Variants in TRPC6 observed in about 807,000 individuals in gnomAD.
TRPC6 encodes the protein short transient receptor potential channel 6.
In TRPC6, 55 loss-of-function variants were observed where a neutral mutation model predicts 90.7. The observed-to-expected ratio is 0.61, with a 90% CI of 0.49 to 0.76. The LOEUF (loss-of-function observed/expected upper bound fraction) is 0.76. Ranked by LOEUF, TRPC6 falls within the 30% of genes least tolerant of loss-of-function variation. The probability of loss-of-function intolerance (pLI) is 0.00; values close to 1 mark genes in which losing one functional copy is unlikely to be tolerated. For missense variants in TRPC6, 989 were observed against 1,122.7 expected (o/e 0.88, Z 1.70); for synonymous variants, 393 against 393.0 (o/e 1.00, Z 0.00).
chr11:101,512,702 C>T (rs561513767), intron 1 of TRPC6, among the ~76,000 whole-genome samples: 4 of 152,086 alleles, frequency 2.6e-5, no homozygotes, highest in East Asian at 1.9e-4. Flanking sequence ...TGGGGAACTT[C>T]GCAAAATATT....
chr11:101,552,176 G>C (rs1306548823), intron 1 of TRPC6, among the ~76,000 whole-genome samples: 2 of 151,994 alleles, frequency 1.3e-5, no homozygotes, highest in African/African-American at 4.8e-5. Context: ...GTTATTTTCA[G>C]AACTTAGAAA....
intron 3 of TRPC6, among the ~76,000 whole-genome samples, chr11:101,489,671 G>A (rs1417202221): frequency 1.3e-5 from 2 of 150,564 alleles, no homozygotes; most frequent in African/African-American, 4.9e-5. Context: ...AAGTTTTCAT[G>A]TATTTATTTT....
chr11:101,491,836 C>CTTTTTTTTTTTTTTTTTTTTTTTTT (rs71056611), intron 2 of TRPC6, 98 bp from the exon 3 acceptor site: 2 of 382,420 alleles, frequency 5.2e-6, no homozygotes, highest in African/African-American at 3.6e-5. Context: ...GAGAAACATT[C>CTTTTTTTTTTTTTTTTTTTTTTTTT]TTTTTTTTTT....
chr11:101,526,789 G>T (rs564837959), intron 1 of TRPC6, among the ~76,000 whole-genome samples: 1 of 147,040 alleles, frequency 6.8e-6, no homozygotes, highest in Non-Finnish European at 1.5e-5. Flanking sequence ...TCGTCAACCC[G>T]GGAGGCGGAG....
Position 101,482,995 on chromosome 11 carries a change from T to A in TRPC6, c.1464A>T (p.Thr488=), listed in dbSNP as rs942110140. The A allele has an allele frequency of 8.1e-6, 13 of 1,613,918 alleles. No individual in the cohort carries two copies. The Admixed American group carries it at 2.0e-4, about 25-fold the overall frequency. ...GCATCTCCATCCATGAGAAGCAGGA[T>A]GTTTTCATCCTGAACAGCTGTTTTG... ...DNAKQLFRMK[T]SCFSWMEMLI... is the part of the protein sequence containing the mutation. The change falls in exon 5 of 13, where the codon ACA becomes ACT. Residue 488 remains threonine (T), a synonymous_variant. Transcript: ENST00000344327.
At chr11:101,468,242 A>G (rs1011914455) in intron 10 of TRPC6, among the ~76,000 whole-genome samples, 28 of 152,196 alleles carry the variant, frequency 1.8e-4, no homozygotes, top group Non-Finnish European at 4.0e-4. Flanking sequence ...CTTCCCAATC[A>G]AAATTCCTAA....
intron 1 of TRPC6, among the ~76,000 whole-genome samples, chr11:101,510,621 A>C (rs1318471152): frequency 6.6e-6 from 1 of 152,160 alleles, no homozygotes; most frequent in African/African-American, 2.4e-5. Flanking sequence ...AGAAAGAGTA[A>C]TTAGCCACCA....
At chr11:101,492,565 A>G (rs1003944227) in intron 2 of TRPC6, among the ~76,000 whole-genome samples, 2 of 143,654 alleles carry the variant, frequency 1.4e-5, no homozygotes, top group Non-Finnish European at 3.0e-5. Flanking sequence ...CCTGGGCAAC[A>G]AAGCGAGACC....
At chr11:101,482,064 T>C (rs1859564362) in intron 5 of TRPC6, among the ~76,000 whole-genome samples, 1 of 152,218 alleles carries the variant, frequency 6.6e-6, no homozygotes, top group Non-Finnish European at 1.5e-5. Context: ...GCCCCTTCCA[T>C]TTCACATCCC....
chr11:101,557,974 T>C (rs1861596348), intron 1 of TRPC6, among the ~76,000 whole-genome samples: 1 of 152,096 alleles, frequency 6.6e-6, no homozygotes, highest in Non-Finnish European at 1.5e-5. Context: ...ATCTACAGAT[T>C]CAATGCAATC....
Position 101,477,954 on chromosome 11 carries a change from C to T in TRPC6, c.1511-1420G>A, listed in dbSNP as rs570568070. ...CTCTACTCTGACATCCTGCCTCCTG[C>T]TGGAGCCATCTGGAGAAATACAACC... On this transcript the variant is annotated intron_variant, in intron 5 of 12. Coordinates refer to ENST00000344327, the MANE Select transcript of TRPC6 (RefSeq NM_004621.6). Among the ~76,000 whole-genome samples, 18 of 152,322 alleles carry T rather than the reference C, an allele frequency of 1.2e-4. No homozygotes were observed. The South Asian group carries it at 3.3e-3, about 28-fold the overall frequency.
chr11:101,452,402 A>C lies in TRPC6; in HGVS notation c.*553T>G, dbSNP rs7931399. On this transcript the variant is annotated 3_prime_UTR_variant, in exon 13 of 13. Transcript: ENST00000344327. ...TCAGAAAATTTTACATAGATGTAAG[A>C]CCATTTTGTATGAACGGTATCAATC... 48,657 of 154,704 alleles carry C rather than the reference A, an allele frequency of 0.31. 10,152 individuals are homozygous for C. The highest frequency in any genetic ancestry group is 0.6 in the African/African-American group (24,896 of 41,450). The allele number at this position is 154,704 out of a possible 1,614,324, so 9.6% of individuals were successfully genotyped here.
chr11:101,497,582 C>T (rs1160153809), intron 2 of TRPC6, among the ~76,000 whole-genome samples: 2 of 152,170 alleles, frequency 1.3e-5, no homozygotes, highest in African/African-American at 2.4e-5. Context: ...TGTGCACATG[C>T]ATGAGCAGAC....
At chr11:101,561,569 T>C (rs1171468880) in intron 1 of TRPC6, among the ~76,000 whole-genome samples, 2 of 152,036 alleles carry the variant, frequency 1.3e-5, no homozygotes, top group Non-Finnish European at 2.9e-5. Context: ...TCCCTTACTA[T>C]ATAGAGGATA....
At chr11:101,539,243 C>G (rs1308852344) in intron 1 of TRPC6, among the ~76,000 whole-genome samples, 11 of 152,174 alleles carry the variant, frequency 7.2e-5, no homozygotes, top group African/African-American at 2.7e-4. Flanking sequence ...TTTCAGATTC[C>G]TTAGAACTAG....
chr11:101,505,308 CT>C (rs1455332414), intron 1 of TRPC6, among the ~76,000 whole-genome samples: 1 of 152,152 alleles, frequency 6.6e-6, no homozygotes, highest in East Asian at 1.9e-4. Context: ...TTTTTCCTGC[CT>C]CTACAAGTCT....
In TRPC6 at chr11:101,583,499, C is replaced by G. The variant is rs886039885; in HGVS notation, c.5G>C (p.Ser2Thr). ...CCGGGGCCCGAACGCCGGGCTCTGGCTCATGGCGGGAACGCCCGACTGGCC... is the reference window on the plus strand; with the variant it reads ...CCGGGGCCCGAACGCCGGGCTCTGGGTCATGGCGGGAACGCCCGACTGGCC... The part of the protein sequence containing the change: M[S>T]QSPAFGPRRG... The change falls in exon 1 of 13, where the codon AGC becomes ACC. Residue 2 changes from serine to threonine, a missense_variant. Physicochemically the swap from Ser to Thr is moderately conservative, Grantham distance 58 (BLOSUM62 1). Transcript: ENST00000344327. 2.9e-5 allele frequency: 43 copies of G among 1,485,180 alleles called. No homozygotes were observed. The highest frequency in any genetic ancestry group is 3.8e-5 in the Non-Finnish European group (42 of 1,117,994). The allele number at this position is 1,485,180 out of a possible 1,614,324, so 92.0% of individuals were successfully genotyped here.
intron 1 of TRPC6, among the ~76,000 whole-genome samples, chr11:101,510,201 A>G (rs978884297): frequency 1.3e-5 from 2 of 152,124 alleles, no homozygotes; most frequent in Non-Finnish European, 2.9e-5. Flanking sequence ...TGCCTCTCCT[A>G]TGCAAAAGCA....
intron 2 of TRPC6, among the ~76,000 whole-genome samples, chr11:101,495,814 C>G (rs1332577430): frequency 6.6e-6 from 1 of 151,980 alleles, no homozygotes; most frequent in Non-Finnish European, 1.5e-5. Flanking sequence ...GAGATAGATA[C>G]CACTCTCTTA....
Sources: gnomAD v4.1 joint callset for allele counts (sites outside exome capture counted in the v4.1 genomes callset) on GRCh38, gnomAD v4.1.1 for gene constraint, MANE v1.5 for transcripts, NCBI Gene and HGNC (gene_info 2026-07-23, HGNC 2026-07-21) for gene names.